The following NKAIN4 variants were observed in gnomAD, a reference collection of about 807,000 sequenced individuals.
NKAIN4 encodes sodium/potassium-transporting ATPase subunit beta-1-interacting protein 4.
Under a neutral mutation model 28.8 loss-of-function variants are expected in NKAIN4, and 28 were observed. The ratio of observed to expected loss-of-function variants is 0.97; its 90% CI spans 0.72 to 1.33. The LOEUF (loss-of-function observed/expected upper bound fraction) is 1.33. NKAIN4 is among the 40% of genes most tolerant of loss of function. NKAIN4 has a pLI of 0.00. For synonymous variants in NKAIN4, 122 were observed against 115.6 expected (o/e 1.06, Z -0.36); for missense variants, 289 against 277.2 (o/e 1.04, Z -0.30).
Position 63,245,358 on chromosome 20 carries a change from G to A in NKAIN4, c.472-1274C>T, listed in dbSNP as rs1047792873. On this transcript the variant is annotated intron_variant, in intron 4 of 6. Transcript: ENST00000370316. This position sits in a 1 kb window ranked among gnomAD's most constrained non-coding sequence, Gnocchi z 4.7. ...TCCTCACCCCAAAGGAGCCCAAGAC[G>A]CCCCCATCCCGGAGCTGGCCGTGGC... Among the ~76,000 whole-genome samples, 4 of 152,174 alleles carry A rather than the reference G, an allele frequency of 2.6e-5. No individual in the cohort carries two copies. The highest frequency in any genetic ancestry group is 2.6e-4 in the Admixed American group (4 of 15,292).
chr20:63,248,094 A>G, intron 3 of NKAIN4: 1 of 262,788 alleles, frequency 3.8e-6, no homozygotes. Flanking sequence ...CTGCCATGTG[A>G]CGTGTGTCTG....
rs745516497 is a variant in NKAIN4, at chr20:63,250,090, G to T, written c.55-18C>A. 3 of 1,550,760 alleles carry T rather than the reference G, an allele frequency of 1.9e-6. No homozygotes were observed. The highest frequency in any genetic ancestry group is 2.6e-6 in the Non-Finnish European group (3 of 1,147,846). ...GCGGCGACCTAGGAGCAGGGCGGGC[G>T]CCATGAAGGGTGGACCCGAGGGAGG... On this transcript the variant is annotated intron_variant, in intron 1 of 6. Coordinates refer to ENST00000370316, the MANE Select transcript of NKAIN4 (RefSeq NM_152864.4).
intron 4 of NKAIN4, chr20:63,246,511 C>A (rs537378554): frequency 1.0e-6 from 1 of 985,440 alleles, no homozygotes; most frequent in African/African-American, 1.7e-5. Flanking sequence ...CCCGGGAGCT[C>A]ACGAGGCCAC....
At chr20:63,250,287 CAAG>C (rs1468412600) in intron 1 of NKAIN4, among the ~76,000 whole-genome samples, 3 of 151,612 alleles carry the variant, frequency 2.0e-5, no homozygotes, top group Non-Finnish European at 4.4e-5. Flanking sequence ...TTGGCTCTTC[CAAG>C]AAGAATCCCC....
Position 63,242,587 on chromosome 20 carries a change from T to C in NKAIN4, c.569A>G (p.Tyr190Cys), listed in dbSNP as rs1305092202. The C allele has an allele frequency of 1.2e-6, 2 of 1,613,456 alleles. No individual in the cohort carries two copies. Among genetic ancestry groups the C allele is most frequent in the Admixed American group, 3.3e-5 (2 of 60,020 alleles). ...ACTGGATGGCTTTTCATTGACATGG[T>C]AGAGAGGAAATGGATCAAATCCACC... ...FIGGFDPFPL[Y>C]HVNEKPSSLL... The change falls in exon 6 of 7, where the codon TAC becomes TGC. Residue 190 changes from tyrosine to cysteine, a missense_variant. By Grantham distance (194) the Tyr-to-Cys change is radical. Coordinates refer to ENST00000370316, the MANE Select transcript of NKAIN4 (RefSeq NM_152864.4).
In NKAIN4 at chr20:63,242,685, A is replaced by G. The variant is rs982065289; in HGVS notation, c.533-62T>C. Reference sequence around the variant, plus strand: ...CACAATGGAAAAGATGTCAGAGTGGAAAACAAGCCCAACCAGACAAAGAAG... The same window carrying G: ...CACAATGGAAAAGATGTCAGAGTGGGAAACAAGCCCAACCAGACAAAGAAG... On this transcript the variant is annotated intron_variant, in intron 5 of 6. Transcript: ENST00000370316. 14 of 1,352,254 alleles carry G rather than the reference A, an allele frequency of 1.0e-5. No individual in the cohort carries two copies. In the African/African-American group the frequency reaches 1.6e-4, roughly 15 times the overall value. The allele number at this position is 1,352,254 out of a possible 1,614,324, so 83.8% of individuals were successfully genotyped here. A position where few individuals can be genotyped will look rare whatever the true frequency, so the allele number is the denominator to read the frequency against.
At chr20:63,253,083 C>T in intron 1 of NKAIN4, 1 of 411,876 alleles carries the variant, frequency 2.4e-6, no homozygotes, top group Non-Finnish European at 3.3e-6. Context: ...ACCGTCCAGG[C>T]TGGTGCCTGT....
intron 4 of NKAIN4, among the ~76,000 whole-genome samples, chr20:63,246,187 C>T (rs772045526): frequency 6.6e-6 from 1 of 152,232 alleles, no homozygotes. Flanking sequence ...CTCGGCCTCC[C>T]AAAGTGCTGG....
At chr20:63,249,798 G>A in intron 2 of NKAIN4, 137 bp downstream of exon 2, 2 of 875,942 alleles carry the variant, frequency 2.3e-6, no homozygotes, top group South Asian at 3.9e-5. Flanking sequence ...AAAGAGGTCT[G>A]AACCCAGGGG....
chr20:63,241,532 C>A lies in NKAIN4; in HGVS notation c.618-26G>T, dbSNP rs751389433. The A allele has an allele frequency of 3.9e-6, 6 of 1,549,280 alleles. 1 individual carries two copies. The South Asian group carries it at 7.1e-5, about 18-fold the overall frequency. On this transcript the variant is annotated intron_variant, in intron 6 of 6. Transcript: ENST00000370316. ...CTGTGGGGACAAGGTCAGAGAGCACCTGGGGGAACAGGGCTGGGGCAGCCA... is the reference window on the plus strand; with the variant it reads ...CTGTGGGGACAAGGTCAGAGAGCACATGGGGGAACAGGGCTGGGGCAGCCA...
intron 4 of NKAIN4, chr20:63,246,643 G>A (rs1477468506): frequency 8.6e-5 from 85 of 985,336 alleles, no homozygotes; most frequent in South Asian, 1.9e-4. Context: ...GTGTTGCGTC[G>A]ACACCACCGT....
chr20:63,254,231 A>G (rs1225309382), intron 1 of NKAIN4, 166 bp downstream of exon 1: 6 of 503,282 alleles, frequency 1.2e-5, no homozygotes, highest in Non-Finnish European at 1.9e-5. Flanking sequence ...CCCGCAGGCG[A>G]CGCCACCTTC....
rs537378554 is a variant in NKAIN4, at chr20:63,246,511, C to T, written c.471+1067G>A. On this transcript the variant is annotated intron_variant, in intron 4 of 6. Coordinates refer to ENST00000370316, the MANE Select transcript of NKAIN4 (RefSeq NM_152864.4). ...AGCCCAGGAAGGAGCCCCGGGAGCT[C>T]ACGAGGCCACCCGCACCGTCACGTG... The T allele has an allele frequency of 4.4e-4, 432 of 985,440 alleles. 3 individuals are homozygous for T. In the African/African-American group the frequency reaches 7.0e-3, roughly 16 times the overall value. 61.0% of individuals were successfully genotyped at this position (985,440 alleles called of 1,614,324 possible).
At chr20:63,243,624 G>A (rs2066801579) in intron 5 of NKAIN4, among the ~76,000 whole-genome samples, 1 of 152,218 alleles carries the variant, frequency 6.6e-6, no homozygotes, top group Non-Finnish European at 1.5e-5. Flanking sequence ...GCCCAGATGG[G>A]TCCAGGCTGC....
At position 63,244,812 on chromosome 20, in the gene NKAIN4, C is replaced by T. The variant is rs184111145; in HGVS notation, c.472-728G>A. Among the ~76,000 whole-genome samples the T allele has an allele frequency of 4.0e-3, 605 of 152,282 alleles. 3 individuals carry two copies. The highest frequency in any genetic ancestry group is 0.014 in the African/African-American group (561 of 41,536). Reference sequence around the variant, plus strand: ...CAGCCAGAAACACCAACAGCATGAGCGAGAGGGCCTGGCCAGGGGCACTCC... The same window carrying T: ...CAGCCAGAAACACCAACAGCATGAGTGAGAGGGCCTGGCCAGGGGCACTCC... On this transcript the variant is annotated intron_variant, in intron 4 of 6. Coordinates refer to ENST00000370316, the MANE Select transcript of NKAIN4 (RefSeq NM_152864.4).
In NKAIN4 at chr20:63,252,201, C is replaced by A. The variant is rs1339160561; in HGVS notation, c.55-2129G>T. Among the ~76,000 whole-genome samples the A allele has an allele frequency of 3.9e-5, 6 of 152,172 alleles. No individual in the cohort carries two copies. Among genetic ancestry groups the A allele is most frequent in the Non-Finnish European group, 7.4e-5 (5 of 68,026 alleles). On this transcript the variant is annotated intron_variant, in intron 1 of 6. Transcript: ENST00000370316. This position sits in a 1 kb window ranked among gnomAD's most constrained non-coding sequence, Gnocchi z 4.6. ...CTCAGGGCTCCATGACATGTGGCGA[C>A]ATGCATGAGCAGGGAGGCTCATGCC...
chr20:63,254,585 G>GCCCAGC (rs1342063341), upstream of NKAIN4: 105 of 598,720 alleles, frequency 1.8e-4, no homozygotes, highest in African/African-American at 1.5e-3. Context: ...GCAACCCCCG[G>GCCCAGC]CCCAGCCCCA....
At chr20:63,244,678 G>T in intron 4 of NKAIN4, 1 of 394,918 alleles carries the variant, frequency 2.5e-6, no homozygotes, top group Non-Finnish European at 5.2e-6. Flanking sequence ...GGGACTGGGA[G>T]TCCAGGGCAG....
At chr20:63,251,750 A>G (rs2066963855) in intron 1 of NKAIN4, among the ~76,000 whole-genome samples, 1 of 152,204 alleles carries the variant, frequency 6.6e-6, no homozygotes, top group Non-Finnish European at 1.5e-5. Flanking sequence ...TTCATATATA[A>G]TCATGTCTAT....
Sources: gnomAD v4.1 joint callset for allele counts (sites outside exome capture counted in the v4.1 genomes callset) on GRCh38, gnomAD v4.1.1 for gene constraint, Gnocchi (gnomAD v3.1) non-coding constraint, MANE v1.5 for transcripts, NCBI Gene and HGNC (gene_info 2026-07-23, HGNC 2026-07-21) for gene names.